The following NINL variants were observed in gnomAD, a reference collection of about 807,000 sequenced individuals.
NINL encodes the protein ninein-like protein.
NINL carries 153 observed loss-of-function variants against 160.3 expected under a neutral mutation model. That is an observed-to-expected ratio of 0.95 (90% CI 0.84 to 1.09). The LOEUF is 1.09. Ranked by LOEUF, NINL falls within the 50% of genes least tolerant of loss-of-function variation. The pLI, the probability that NINL is intolerant of heterozygous loss-of-function variation, is 0.00. For synonymous variants in NINL, 800 were observed against 734.8 expected (o/e 1.09, Z -1.43); for missense variants, 1,829 against 1,764.0 (o/e 1.04, Z -0.66).
chr20:25,581,875 GA>G (rs11087525), intron 1 of NINL, among the ~76,000 whole-genome samples: 55,030 of 152,084 alleles, frequency 0.36, 10,911 homozygotes, highest in Admixed American at 0.47. Context: ...ACCCACCTTA[GA>G]GCAGTCCTAT....
intron 1 of NINL, among the ~76,000 whole-genome samples, chr20:25,564,066 T>C (rs2064973509): frequency 6.6e-6 from 1 of 151,606 alleles, no homozygotes; most frequent in Admixed American, 6.6e-5. Flanking sequence ...ATCAAAATAT[T>C]AGCCCGGCAT....
At position 25,479,095 on chromosome 20, in the gene NINL, CCTT is replaced by C. The variant is rs761839598; in HGVS notation, c.2026_2028del (p.Lys676del). The C allele has an allele frequency of 2.5e-6, 4 of 1,613,606 alleles. No homozygotes were observed. Among genetic ancestry groups the C allele is most frequent in the Non-Finnish European group, 3.4e-6 (4 of 1,180,040 alleles). ...TTCTCGTGGAGCTCCTCCAGGTCGG[CCTT>C]CTGACCCTCCAGCACGCTGACCTCG... On this transcript the variant is annotated inframe_deletion, in exon 16 of 24. Coordinates refer to ENST00000278886, the MANE Select transcript of NINL (RefSeq NM_025176.6).
intron 19 of NINL, among the ~76,000 whole-genome samples, chr20:25,464,591 G>A (rs868776439): frequency 1.3e-5 from 2 of 152,204 alleles, no homozygotes; most frequent in South Asian, 4.2e-4. Context: ...ACACACAGGC[G>A]CACACATGAT....
Position 25,519,278 on chromosome 20 carries a change from A to C in NINL, c.181-1429T>G, listed in dbSNP as rs565865310. 1.4e-4 allele frequency among the ~76,000 whole-genome samples: 22 copies of C among 152,254 alleles called. No individual in the cohort carries two copies. In the East Asian group the frequency reaches 3.9e-3, roughly 27 times the overall value. On this transcript the variant is annotated intron_variant, in intron 2 of 23. Coordinates refer to ENST00000278886, the MANE Select transcript of NINL (RefSeq NM_025176.6). Reference sequence around the variant, plus strand: ...CTCCAGTTACCACACTCCTGACTTCAATGCCTTTGTTATCATGTATTTTAT... The same window carrying C: ...CTCCAGTTACCACACTCCTGACTTCCATGCCTTTGTTATCATGTATTTTAT...
intron 2 of NINL, among the ~76,000 whole-genome samples, chr20:25,518,128 A>G (rs2064193882): frequency 6.6e-6 from 1 of 152,208 alleles, no homozygotes; most frequent in Admixed American, 6.5e-5. Flanking sequence ...TGACCACGAA[A>G]CGTTACACAT....
intron 1 of NINL, among the ~76,000 whole-genome samples, chr20:25,537,991 C>G (rs897651892): frequency 6.6e-6 from 1 of 152,202 alleles, no homozygotes; most frequent in Admixed American, 6.5e-5. Flanking sequence ...GCGGTATCCA[C>G]GGGACCAACA....
rs767619759 is a variant in NINL, at chr20:25,491,424, G to A, written c.1412C>T (p.Ala471Val). Residue 471 changes from alanine to valine, a missense_variant, in exon 11 of 24, where the codon GCG (alanine) becomes GTG (valine). Physicochemically the swap from Ala to Val is moderately conservative, Grantham distance 64. Transcript: ENST00000278886. Reference protein sequence around the residue: ...FWEQAHRQRAALEWDVGRLQA... With the variant: ...FWEQAHRQRAVLEWDVGRLQA... ...CAGGCGCCCCACGTCCCACTCCAGC[G>A]CGGCCCTCTGCCTGTGGGCCTGCTC... is the stretch of plus-strand genomic sequence containing the variant. 1.5e-5 allele frequency: 24 copies of A among 1,613,430 alleles called. No individual in the cohort carries two copies. Among genetic ancestry groups the A allele is most frequent in the Middle Eastern group, 1.6e-4 (1 of 6,084 alleles).
chr20:25,453,538 G>C lies in NINL; in HGVS notation c.4062C>G (p.Ala1354=), dbSNP rs776524973. ...LQATEEKQRG[A]EKQSRLLEEK... is the part of the protein sequence containing the mutation. Reference sequence around the variant, plus strand: ...CTTCCAAGAGGCGGCTTTGTTTCTCGGCGCCTCGCTGCTTCTCCTCGGTGG... The same window carrying C: ...CTTCCAAGAGGCGGCTTTGTTTCTCCGCGCCTCGCTGCTTCTCCTCGGTGG... The change falls in exon 24 of 24, where the codon GCC becomes GCG. Residue 1354 remains alanine (A), a synonymous_variant. Transcript: ENST00000278886. 5 of 1,613,938 alleles carry C rather than the reference G, an allele frequency of 3.1e-6. No individual in the cohort carries two copies. In the African/African-American group the frequency reaches 6.7e-5, roughly 22 times the overall value.
intron 1 of NINL, among the ~76,000 whole-genome samples, chr20:25,577,455 G>GGCA (rs996421585): frequency 1.3e-5 from 2 of 152,246 alleles, no homozygotes; most frequent in African/African-American, 4.8e-5. Context: ...GTACAGGACA[G>GGCA]GCAGAGGCCT....
At position 25,520,863 on chromosome 20, in the gene NINL, TA is replaced by T. The variant is rs1784276667; in HGVS notation, c.181-3015del. Among the ~76,000 whole-genome samples the T allele has an allele frequency of 4.6e-5, 7 of 152,358 alleles. No individual in the cohort carries two copies. In the South Asian group the frequency reaches 1.5e-3, roughly 32 times the overall value. Reference sequence around the variant, plus strand: ...ATCATTATAGATCCATATGCAGTTATAAGAAAAATACAAAGAGATCCTGTGT... The same window carrying T: ...ATCATTATAGATCCATATGCAGTTATAGAAAAATACAAAGAGATCCTGTGT... On this transcript the variant is annotated intron_variant, in intron 2 of 23. Transcript: ENST00000278886.
At chr20:25,488,461 T>C (rs1396312778) in intron 13 of NINL, among the ~76,000 whole-genome samples, 1 of 152,054 alleles carries the variant, frequency 6.6e-6, no homozygotes, top group Non-Finnish European at 1.5e-5. Context: ...CCTGACCGCA[T>C]GATCCACCCG....
intron 17 of NINL, among the ~76,000 whole-genome samples, chr20:25,472,643 T>C (rs1035089305): frequency 6.6e-6 from 1 of 151,038 alleles, no homozygotes. Flanking sequence ...GATCCTCCCA[T>C]CTAGCCTCCC....
intron 14 of NINL, among the ~76,000 whole-genome samples, chr20:25,480,621 C>G (rs115748952): frequency 6.6e-6 from 1 of 152,164 alleles, no homozygotes; most frequent in Non-Finnish European, 1.5e-5. Flanking sequence ...AGCAGATGCC[C>G]GGTGGTGCAG....
At chr20:25,505,752 G>C (rs2063950428) in intron 5 of NINL, among the ~76,000 whole-genome samples, 1 of 152,184 alleles carries the variant, frequency 6.6e-6, no homozygotes, top group Admixed American at 6.5e-5. Flanking sequence ...ATAGCAGGAT[G>C]GATGGACAGA....
chr20:25,489,427 A>G (rs912624304), intron 12 of NINL, 103 bp from the exon 13 acceptor site: 2 of 908,356 alleles, frequency 2.2e-6, no homozygotes, highest in Admixed American at 3.6e-5. Flanking sequence ...TTCTGCCAAC[A>G]CCAGGCGCTG....
chr20:25,539,873 G>A (rs896914136), intron 1 of NINL: 9 of 362,398 alleles, frequency 2.5e-5, no homozygotes, highest in Non-Finnish European at 4.8e-5. Flanking sequence ...GGAAAGAAAC[G>A]GAGCTTTCCC....
chr20:25,461,381 C>G (rs1230588036), intron 21 of NINL, 141 bp downstream of exon 21: 8 of 575,006 alleles, frequency 1.4e-5, no homozygotes, highest in African/African-American at 3.9e-5. Flanking sequence ...GGTCCTGGCC[C>G]GGTAAGCACC....
intron 12 of NINL, among the ~76,000 whole-genome samples, chr20:25,489,607 C>T (rs1244070996): frequency 6.6e-6 from 1 of 152,146 alleles, no homozygotes; most frequent in South Asian, 2.1e-4. Context: ...CTAGGTGACA[C>T]CCAGGGAAGG....
intron 14 of NINL, among the ~76,000 whole-genome samples, chr20:25,481,239 G>A (rs6138583): frequency 2.0e-5 from 3 of 152,224 alleles, no homozygotes; most frequent in Admixed American, 6.5e-5. Context: ...GAGGGGAGCA[G>A]GTGGGGCTGC....
Sources: allele counts gnomAD v4.1 joint callset (sites outside exome capture counted in the v4.1 genomes callset), GRCh38; gene constraint gnomAD v4.1.1; transcripts MANE v1.5; gene names NCBI Gene and HGNC (gene_info 2026-07-23, HGNC 2026-07-21).